FAM161A: variants seen among roughly 807,000 people sequenced by gnomAD.
The protein encoded by FAM161A is FAM161 centrosomal protein A.
In FAM161A, 57 loss-of-function variants were observed where a neutral mutation model predicts 70.9. The ratio of observed to expected loss-of-function variants is 0.80; its 90% CI spans 0.65 to 1.00. The LOEUF is 1.00. Ranked by LOEUF, FAM161A falls within the 50% of genes least tolerant of loss-of-function variation. The pLI, the probability that FAM161A is intolerant of heterozygous loss-of-function variation, is 0.00. For missense variants in FAM161A, 880 were observed against 836.0 expected (o/e 1.05, Z -0.65); for synonymous variants, 299 against 295.7 (o/e 1.01, Z -0.12).
downstream of FAM161A, among the ~76,000 whole-genome samples, chr2:61,823,523 G>A (rs968255451): frequency 2.6e-5 from 4 of 151,252 alleles, no homozygotes; most frequent in African/African-American, 7.3e-5. Context: ...ATGACACCCC[G>A]CCTGGCTAAC....
the FAM161A span, among the ~76,000 whole-genome samples, chr2:61,806,682 T>G: frequency 2.1e-5 from 2 of 95,368 alleles, no homozygotes; most frequent in Middle Eastern, 9.5e-3. Context: ...TTCCACGTCT[T>G]TTTTTTTTTT....
At chr2:61,808,253 G>A in the FAM161A span, among the ~76,000 whole-genome samples, 3 of 151,708 alleles carry the variant, frequency 2.0e-5, no homozygotes, top group African/African-American at 7.3e-5. Context: ...CTTACAGACA[G>A]TGGGAAAGAT....
chr2:61,804,802 GAAAGAAAGAAAGAA>G, the FAM161A span, among the ~76,000 whole-genome samples: 33 of 140,480 alleles, frequency 2.3e-4, no homozygotes, highest in Middle Eastern at 3.6e-3. Context: ...AAGAAAGAAA[GAAAGAAAGAAAGAA>G]AGAGAAAGAG....
Position 61,840,300 on chromosome 2 carries a change from G to A in FAM161A, c.704C>T (p.Thr235Ile), listed in dbSNP as rs199759978. The change falls in exon 3 of 7, where the codon ACA (threonine) becomes ATA (isoleucine). Residue 235 changes from threonine (T) to isoleucine (I), a missense_variant. Thr to Ile is a moderately conservative substitution (Grantham distance 89). Transcript: ENST00000404929. ...TTGAAAAGGCTCCGGTACTGTAATTGTGGGCACCCATTCTTTTCGTTTCTT... is the reference window on the plus strand; with the variant it reads ...TTGAAAAGGCTCCGGTACTGTAATTATGGGCACCCATTCTTTTCGTTTCTT... ...RRKKRKEWVP[T>I]ITVPEPFQMM... is the part of the protein sequence containing the mutation. 6.8e-6 allele frequency: 11 copies of A among 1,614,008 alleles called. No homozygotes were observed. The highest frequency in any genetic ancestry group is 2.2e-5 in the East Asian group (1 of 44,862).
chr2:61,806,680 CT>C, the FAM161A span, among the ~76,000 whole-genome samples: 438 of 61,552 alleles, frequency 7.1e-3, no homozygotes, highest in East Asian at 0.035. Flanking sequence ...CTTTCCACGT[CT>C]TTTTTTTTTT....
intron 4 of FAM161A, among the ~76,000 whole-genome samples, chr2:61,837,517 C>G (rs1164328241): frequency 6.6e-6 from 1 of 152,014 alleles, no homozygotes; most frequent in Non-Finnish European, 1.5e-5. Context: ...GCCTGTAATC[C>G]CAGCACTTTG....
Position 61,824,979 on chromosome 2 carries a change from G to T in FAM161A, c.*1476C>A. 1 of 453,002 alleles carries T rather than the reference G, an allele frequency of 2.2e-6. No homozygotes were observed. The allele number at this position is 453,002 out of a possible 1,614,324, so 28.1% of individuals were successfully genotyped here. On this transcript the variant is annotated 3_prime_UTR_variant, in exon 7 of 7. Coordinates refer to ENST00000404929, the MANE Select transcript of FAM161A (RefSeq NM_001201543.2). ...CCAAGGAGTTTACAATATAATAATA[G>T]TAAAAAGTAATTTAACACGAACTGT...
At chr2:61,818,009 C>G in the FAM161A span, among the ~76,000 whole-genome samples, 1 of 151,916 alleles carries the variant, frequency 6.6e-6, no homozygotes, top group South Asian at 2.1e-4. Context: ...TATATGTTTC[C>G]CAGACCTAGA....
chr2:61,854,028 T>C lies in FAM161A; in HGVS notation c.14A>G (p.His5Arg). ...GGAGGCCACCAGCTTCGCCACTCGG[T>C]GGGAGGTGGCCATCGCCCCGCCTCC... is the stretch of plus-strand genomic sequence containing the variant. The part of the protein sequence containing the change: MATS[H>R]RVAKLVASSL... The change falls in exon 1 of 7, where the codon CAC becomes CGC. Residue 5 changes from histidine to arginine, a missense_variant. His to Arg is a conservative substitution (Grantham distance 29). Coordinates refer to ENST00000404929, the MANE Select transcript of FAM161A (RefSeq NM_001201543.2). 6.2e-7 allele frequency: 1 copy of C among 1,610,130 alleles called. No homozygotes were observed. The highest frequency in any genetic ancestry group is 8.5e-7 in the Non-Finnish European group (1 of 1,178,286).
At position 61,854,014 on chromosome 2, in the gene FAM161A, G is replaced by A. The variant is rs779130938; in HGVS notation, c.28C>T (p.Leu10=). 9.9e-6 allele frequency: 16 copies of A among 1,612,146 alleles called. No homozygotes were observed. The highest frequency in any genetic ancestry group is 3.3e-4 in the Middle Eastern group (2 of 6,070). Residue 10 remains leucine, a synonymous_variant, in exon 1 of 7, where the codon CTG becomes TTG. Coordinates refer to ENST00000404929, the MANE Select transcript of FAM161A (RefSeq NM_001201543.2). MATSHRVAK[L]VASSLQTPVN... is the part of the protein sequence containing the mutation. ...GGGGTCTGGAGACTGGAGGCCACCAGCTTCGCCACTCGGTGGGAGGTGGCC... is the reference window on the plus strand; with the variant it reads ...GGGGTCTGGAGACTGGAGGCCACCAACTTCGCCACTCGGTGGGAGGTGGCC...
At chr2:61,847,907 G>GA (rs200376070) in intron 1 of FAM161A, among the ~76,000 whole-genome samples, 17 of 149,854 alleles carry the variant, frequency 1.1e-4, no homozygotes, top group Middle Eastern at 3.6e-3. Flanking sequence ...TGAATGTACA[G>GA]AAAAAAAAAA....
At chr2:61,804,772 A>G in the FAM161A span, among the ~76,000 whole-genome samples, 1 of 126,734 alleles carries the variant, frequency 7.9e-6, no homozygotes, top group Non-Finnish European at 1.7e-5. Flanking sequence ...AAGAAAGAGA[A>G]AGAAAGAAAG....
chr2:61,813,239 C>T, the FAM161A span, among the ~76,000 whole-genome samples: 6 of 151,918 alleles, frequency 3.9e-5, no homozygotes, highest in African/African-American at 1.5e-4. Flanking sequence ...AGTTCAAGAC[C>T]AGCCTGGGCA....
the FAM161A span, among the ~76,000 whole-genome samples, chr2:61,811,352 C>T: frequency 2.6e-5 from 4 of 151,824 alleles, no homozygotes; most frequent in African/African-American, 7.3e-5. Flanking sequence ...TATGCGCCGC[C>T]GCACCTGGCT....
chr2:61,826,300 C>G lies in FAM161A; in HGVS notation c.*155G>C. On this transcript the variant is annotated 3_prime_UTR_variant, in exon 7 of 7. Transcript: ENST00000404929. Reference sequence around the variant, plus strand: ...TACTCTAACTGATCAAATGACCAATCAGCTGGATTCAGGCTTTTCAGGCTA... The same window carrying G: ...TACTCTAACTGATCAAATGACCAATGAGCTGGATTCAGGCTTTTCAGGCTA... 1 of 788,138 alleles carries G rather than the reference C, an allele frequency of 1.3e-6. No individual in the cohort carries two copies. The highest frequency in any genetic ancestry group is 2.2e-6 in the Non-Finnish European group (1 of 455,232). 48.8% of individuals were successfully genotyped at this position (788,138 alleles called of 1,614,324 possible).
chr2:61,836,004 C>T lies in FAM161A; in HGVS notation c.1851+6G>A, dbSNP rs750421015. 6.0e-6 allele frequency: 9 copies of T among 1,505,926 alleles called. No homozygotes were observed. Among genetic ancestry groups the T allele is most frequent in the Non-Finnish European group, 7.3e-6 (8 of 1,098,406 alleles). The allele number at this position is 1,505,926 out of a possible 1,614,324, so 93.3% of individuals were successfully genotyped here. A position where few individuals can be genotyped will look rare whatever the true frequency, so the allele number is the denominator to read the frequency against. On this transcript the variant is annotated splice_donor_region_variant and intron_variant, in intron 5 of 6. Transcript: ENST00000404929. Reference sequence around the variant, plus strand: ...ACGATAGCTCTTAAATTCCAATAAACACAACCTGAGCAACTCTTTCAAATA... The same window carrying T: ...ACGATAGCTCTTAAATTCCAATAAATACAACCTGAGCAACTCTTTCAAATA...
chr2:61,802,736 A>G, the FAM161A span, among the ~76,000 whole-genome samples: 178 of 152,318 alleles, frequency 1.2e-3, no homozygotes, highest in African/African-American at 3.9e-3. Context: ...GCATGTATTC[A>G]TTCAGTCATC....
the FAM161A span, among the ~76,000 whole-genome samples, chr2:61,804,396 C>G: frequency 2.2e-4 from 34 of 152,032 alleles, no homozygotes; most frequent in African/African-American, 7.5e-4. Flanking sequence ...AGCTCCTTTT[C>G]AAGATGGAGT....
intron 5 of FAM161A, among the ~76,000 whole-genome samples, chr2:61,831,998 C>T (rs1456999035): frequency 6.6e-6 from 1 of 152,018 alleles, no homozygotes; most frequent in Non-Finnish European, 1.5e-5. Flanking sequence ...AATCCCGACA[C>T]TTTGGAAGGC....
Sources: gnomAD v4.1 joint callset for allele counts (sites outside exome capture counted in the v4.1 genomes callset) on GRCh38, gnomAD v4.1.1 for gene constraint, MANE v1.5 for transcripts, NCBI Gene and HGNC (gene_info 2026-07-23, HGNC 2026-07-21) for gene names.